The following STK10 variants were observed in gnomAD, a reference collection of about 807,000 sequenced individuals.
STK10 encodes serine/threonine-protein kinase 10.
Under a neutral mutation model 113.8 loss-of-function variants are expected in STK10, and 78 were observed. The ratio of observed to expected loss-of-function variants is 0.69; its 90% CI spans 0.57 to 0.83. The LOEUF (loss-of-function observed/expected upper bound fraction) is 0.83, where lower values mean the gene tolerates loss of function less well. STK10 is among the 40% of genes least tolerant of loss of function. The pLI is 0.00. For synonymous variants in STK10, 465 were observed against 494.7 expected (o/e 0.94, Z 0.80); for missense variants, 1,109 against 1,280.1 (o/e 0.87, Z 2.04).
chr5:172,131,940 G>C (rs1446780299), intron 2 of STK10, among the ~76,000 whole-genome samples: 1 of 152,194 alleles, frequency 6.6e-6, no homozygotes, highest in East Asian at 1.9e-4. Flanking sequence ...AGGGCTAGAG[G>C]CTGTGAGTTC....
rs559911554 is a variant in STK10 at position 172,054,327 on chromosome 5, C to T, written c.2652+242G>A. Among the ~76,000 whole-genome samples, 4 of 152,320 alleles carry T rather than the reference C, an allele frequency of 2.6e-5. No individual in the cohort carries two copies. The East Asian group carries it at 7.7e-4, about 29-fold the overall frequency. On this transcript the variant is annotated intron_variant, in intron 17 of 18. Transcript: ENST00000176763. ...CACAAGTCCTTGCCCCAATCCTGCACAGCAGGAATGGTCATCCCCATGCCC... is the reference window on the plus strand; with the variant it reads ...CACAAGTCCTTGCCCCAATCCTGCATAGCAGGAATGGTCATCCCCATGCCC...
chr5:172,155,552 C>G (rs540790754), intron 2 of STK10, among the ~76,000 whole-genome samples: 118 of 149,976 alleles, frequency 7.9e-4, no homozygotes, highest in African/African-American at 2.8e-3. Context: ...ACAAAAAAAT[C>G]CAAAGATGTC....
chr5:172,097,864 C>A (rs1186971896), intron 7 of STK10, among the ~76,000 whole-genome samples: 1 of 152,104 alleles, frequency 6.6e-6, no homozygotes, highest in Non-Finnish European at 1.5e-5. Context: ...CTTTTACGGA[C>A]CTTGCAAAAC....
intron 12 of STK10, among the ~76,000 whole-genome samples, chr5:172,078,050 T>G (rs1337873684): frequency 6.6e-6 from 1 of 152,176 alleles, no homozygotes; most frequent in East Asian, 1.9e-4. Context: ...TCCTGACCAC[T>G]ATGTCAAGGG....
At chr5:172,081,234 C>T (rs138368121) in intron 12 of STK10, among the ~76,000 whole-genome samples, 1,888 of 151,852 alleles carry the variant, frequency 0.012, 16 homozygotes, top group Non-Finnish European at 0.017. Context: ...GCCTGTAGTC[C>T]CAGCTACTCG....
At chr5:172,123,024 C>G (rs1251081291) in intron 3 of STK10, among the ~76,000 whole-genome samples, 1 of 152,182 alleles carries the variant, frequency 6.6e-6, no homozygotes, top group African/African-American at 2.4e-5. Context: ...CAGTGACATA[C>G]CACGTGGGTA....
Position 172,082,463 on chromosome 5 carries a change from G to T in STK10, c.1852C>A (p.Arg618Ser). The change falls in exon 12 of 19, where the codon CGT becomes AGT. Residue 618 changes from arginine (R) to serine (S), a missense_variant. Transcript: ENST00000176763. The surrounding 1 kb of genome is among the most constrained non-coding windows in gnomAD (Gnocchi z 4.3). ...TTCTCCACTTGCTGCTTTTGCTGAC[G>T]CTCCAGGTTCTCTAATTCCGTGTCA... is the stretch of plus-strand genomic sequence containing the variant. ...FFDTELENLE[R>S]QQKQQVEKME... The T allele has an allele frequency of 6.2e-7, 1 of 1,607,814 alleles. No homozygotes were observed. The highest frequency in any genetic ancestry group is 8.5e-7 in the Non-Finnish European group (1 of 1,177,692).
At chr5:172,152,867 C>T (rs1325224782) in intron 2 of STK10, among the ~76,000 whole-genome samples, 2 of 152,218 alleles carry the variant, frequency 1.3e-5, no homozygotes, top group African/African-American at 2.4e-5. Flanking sequence ...AGCTCAATAA[C>T]TCTTTCAATG....
intron 10 of STK10, among the ~76,000 whole-genome samples, chr5:172,090,014 T>C (rs1768661396): frequency 6.6e-6 from 1 of 151,920 alleles, no homozygotes; most frequent in African/African-American, 2.4e-5. Flanking sequence ...AGTAGGTGGA[T>C]AGATGGGTGA....
At chr5:172,140,573 T>C (rs978608459) in intron 2 of STK10, among the ~76,000 whole-genome samples, 1 of 152,170 alleles carries the variant, frequency 6.6e-6, no homozygotes, top group African/African-American at 2.4e-5. Flanking sequence ...GGCACATGCC[T>C]GTAATCCCAG....
chr5:172,136,263 G>C (rs1769856639), intron 2 of STK10, among the ~76,000 whole-genome samples: 1 of 152,118 alleles, frequency 6.6e-6, no homozygotes, highest in Admixed American at 6.5e-5. Flanking sequence ...CAGAAGACCT[G>C]AATAGATGTA....
intron 8 of STK10, 43 bp downstream of exon 8, chr5:172,096,383 T>G (rs1260444753): frequency 6.2e-7 from 1 of 1,602,022 alleles, no homozygotes; most frequent in Admixed American, 1.7e-5. Flanking sequence ...GCTGAGATCC[T>G]GTCCTCCCAG....
intron 17 of STK10, 85 bp from the exon 18 acceptor site, chr5:172,053,127 A>G: frequency 1.0e-6 from 1 of 1,004,832 alleles, no homozygotes. Context: ...TGTGGCTACG[A>G]GGGCACCAGC....
chr5:172,173,584 C>T (rs1770699006), intron 1 of STK10, among the ~76,000 whole-genome samples: 1 of 152,216 alleles, frequency 6.6e-6, no homozygotes, highest in Non-Finnish European at 1.5e-5. Flanking sequence ...CCACCAGACC[C>T]CCCAGTAGCC....
intron 8 of STK10, 72 bp from the exon 9 acceptor site, chr5:172,094,032 G>T: frequency 8.4e-7 from 1 of 1,193,700 alleles, no homozygotes; most frequent in Non-Finnish European, 1.1e-6. Flanking sequence ...GAGATGCAGT[G>T]GAGAAAGTCA....
At chr5:172,180,337 C>T (rs1159243227) in intron 1 of STK10, among the ~76,000 whole-genome samples, 3 of 151,714 alleles carry the variant, frequency 2.0e-5, no homozygotes, top group Non-Finnish European at 2.9e-5. Flanking sequence ...TGGTGGCGGG[C>T]GCCTGTAATC....
At chr5:172,094,577 T>C (rs1302597970) in intron 8 of STK10, among the ~76,000 whole-genome samples, 1 of 151,926 alleles carries the variant, frequency 6.6e-6, no homozygotes, top group Non-Finnish European at 1.5e-5. Flanking sequence ...AGGGACAGGG[T>C]TTCAGTATGT....
At chr5:172,182,812 A>C (rs1425107356) in intron 1 of STK10, among the ~76,000 whole-genome samples, 1 of 151,994 alleles carries the variant, frequency 6.6e-6, no homozygotes, top group Non-Finnish European at 1.5e-5. Context: ...TCAGCCTCTC[A>C]AAGTGCTGAG....
intron 3 of STK10, among the ~76,000 whole-genome samples, chr5:172,121,378 C>A (rs1581166803): frequency 6.6e-6 from 1 of 152,066 alleles, no homozygotes; most frequent in East Asian, 1.9e-4. Flanking sequence ...GGGTCCCACT[C>A]TGTTGCTCAG....
Sources: allele counts gnomAD v4.1 joint callset (sites outside exome capture counted in the v4.1 genomes callset), GRCh38; gene constraint gnomAD v4.1.1; non-coding constraint Gnocchi (gnomAD v3.1); transcripts MANE v1.5; gene names NCBI Gene and HGNC (gene_info 2026-07-23, HGNC 2026-07-21).